Variants in WDR49 observed in about 807,000 individuals in gnomAD.
WDR49 encodes WD repeat domain 49.
Under a neutral mutation model 119.5 loss-of-function variants are expected in WDR49, and 107 were observed. That is an observed-to-expected ratio of 0.90 (90% CI 0.77 to 1.05). The LOEUF (loss-of-function observed/expected upper bound fraction) is 1.05. WDR49 is among the 50% of genes least tolerant of loss of function. WDR49 has a pLI of 0.00. For missense variants in WDR49, 1,240 were observed against 1,220.5 expected, an observed-to-expected ratio of 1.02 and a Z score of -0.24; for synonymous variants, 425 against 418.8, an observed-to-expected ratio of 1.01 and a Z score of -0.18.
At chr3:167,591,320 C>T (rs974708004) in intron 7 of WDR49, among the ~76,000 whole-genome samples, 4 of 151,986 alleles carry the variant, frequency 2.6e-5, no homozygotes, top group African/African-American at 9.7e-5. Context: ...GTTTCATGAC[C>T]TAACATATGG....
chr3:167,592,893 T>C lies in WDR49; in HGVS notation c.1275+9234A>G, dbSNP rs567323922. On this transcript the variant is annotated intron_variant, in intron 7 of 18. Coordinates refer to ENST00000682715, the MANE Select transcript of WDR49 (RefSeq NM_001366157.1). Reference sequence around the variant, plus strand: ...GTTTGAAGGATATTTTTGCAAGATATAGTTATTTTCCTTCAGAACTTTAAA... The same window carrying C: ...GTTTGAAGGATATTTTTGCAAGATACAGTTATTTTCCTTCAGAACTTTAAA... 2.6e-5 allele frequency among the ~76,000 whole-genome samples: 4 copies of C among 152,314 alleles called. No homozygotes were observed. In the East Asian group the frequency reaches 5.8e-4, roughly 22 times the overall value.
intron 7 of WDR49, among the ~76,000 whole-genome samples, chr3:167,593,906 G>A (rs752953092): frequency 2.6e-5 from 4 of 152,096 alleles, no homozygotes; most frequent in Non-Finnish European, 5.9e-5. Context: ...TGGTTTAAAA[G>A]TGTGCGGTGG....
chr3:167,553,708 G>C (rs1335427490), intron 10 of WDR49, among the ~76,000 whole-genome samples: 2 of 152,074 alleles, frequency 1.3e-5, no homozygotes, highest in African/African-American at 4.8e-5. Flanking sequence ...TCCTTTCAGA[G>C]ATGTGAAGTC....
At chr3:167,608,253 C>A (rs981879084) in intron 5 of WDR49, among the ~76,000 whole-genome samples, 1 of 152,124 alleles carries the variant, frequency 6.6e-6, no homozygotes, top group African/African-American at 2.4e-5. Context: ...GTAAACTATA[C>A]AACATAATAC....
intron 2 of WDR49, among the ~76,000 whole-genome samples, chr3:167,642,199 C>A (rs542734749): frequency 6.6e-6 from 1 of 151,916 alleles, no homozygotes; most frequent in Admixed American, 6.6e-5. Context: ...ACTAACCTAA[C>A]CATGTAACAA....
chr3:167,596,419 A>G (rs1182890810), intron 7 of WDR49, among the ~76,000 whole-genome samples: 1 of 151,816 alleles, frequency 6.6e-6, no homozygotes, highest in Non-Finnish European at 1.5e-5. Flanking sequence ...ACACATGCAC[A>G]CGTATGTTTA....
Position 167,505,341 on chromosome 3 carries a change from T to A in WDR49, c.2850A>T (p.Lys950Asn). The A allele has an allele frequency of 6.5e-7, 1 of 1,531,294 alleles. No homozygotes were observed. The highest frequency in any genetic ancestry group is 1.3e-5 in the South Asian group (1 of 76,314). The allele number at this position is 1,531,294 out of a possible 1,614,324, so 94.9% of individuals were successfully genotyped here. The change falls in exon 17 of 19, where the codon AAA (lysine) becomes AAT (asparagine). Residue 950 changes from lysine to asparagine, a missense_variant. Coordinates refer to ENST00000682715, the MANE Select transcript of WDR49 (RefSeq NM_001366157.1). ...TTTTTATAACTTCACCATAATAAGG[T>A]TTTTGTGTTTCTTTCATGCAGGTAC... is the stretch of plus-strand genomic sequence containing the variant. Reference protein sequence around the residue: ...ERSTCMKETQKPYYGEVIKKS... With the variant: ...ERSTCMKETQNPYYGEVIKKS...
chr3:167,644,962 T>C (rs1425409717), intron 2 of WDR49, among the ~76,000 whole-genome samples: 1 of 152,052 alleles, frequency 6.6e-6, no homozygotes, highest in Non-Finnish European at 1.5e-5. Flanking sequence ...TTATGTAGCA[T>C]TCTTTCTTGA....
intron 2 of WDR49, chr3:167,633,527 C>G: frequency 2.2e-6 from 1 of 453,794 alleles, no homozygotes. Flanking sequence ...GCCAAATATC[C>G]CCATCCTGGA....
chr3:167,588,766 C>T (rs1267125208), intron 7 of WDR49, among the ~76,000 whole-genome samples: 2 of 151,950 alleles, frequency 1.3e-5, no homozygotes, highest in Non-Finnish European at 2.9e-5. Context: ...AGGTATTTAG[C>T]CCATTTTTAA....
chr3:167,560,172 C>T lies in WDR49; in HGVS notation c.1566G>A (p.Gln522=). Residue 522 remains glutamine (Q), a synonymous_variant, in exon 9 of 19, where the codon CAG becomes CAA. Transcript: ENST00000682715. ...TVSFWMIDTG[Q]KIKQFTGCHG... ...GGCAACCAGTAAACTGTTTGATTTT[C>T]TGCCCAGTGTCTATCATCCAGAAGG... 1 of 1,614,190 alleles carries T rather than the reference C, an allele frequency of 6.2e-7. No homozygotes were observed. Among genetic ancestry groups the T allele is most frequent in the Non-Finnish European group, 8.5e-7 (1 of 1,180,026 alleles).
At chr3:167,499,570 A>G (rs1319332690) in intron 18 of WDR49, among the ~76,000 whole-genome samples, 32 of 152,188 alleles carry the variant, frequency 2.1e-4, no homozygotes, top group Non-Finnish European at 4.0e-4. Flanking sequence ...TTATTCCTCA[A>G]ACTTTTAAGA....
intron 18 of WDR49, among the ~76,000 whole-genome samples, chr3:167,490,494 A>G (rs1224322120): frequency 6.6e-6 from 1 of 152,186 alleles, no homozygotes; most frequent in East Asian, 1.9e-4. Flanking sequence ...GCATGTATCT[A>G]CAAATGCTTT....
At chr3:167,494,679 C>CGA (rs1751279135) in intron 18 of WDR49, among the ~76,000 whole-genome samples, 1 of 152,090 alleles carries the variant, frequency 6.6e-6, no homozygotes, top group Non-Finnish European at 1.5e-5. Context: ...GAGACTCTCT[C>CGA]ATGGGAAAGT....
At chr3:167,555,535 G>C (rs1408449526) in intron 9 of WDR49, among the ~76,000 whole-genome samples, 1 of 152,190 alleles carries the variant, frequency 6.6e-6, no homozygotes, top group Non-Finnish European at 1.5e-5. Flanking sequence ...TACAACATAT[G>C]CTTGTGACTG....
At position 167,638,623 on chromosome 3, in the gene WDR49, C is replaced by A. The variant is rs929440144; in HGVS notation, c.166-11331G>T. ...GCAAAACAGATGCATCAGTTTATAT[C>A]ATCCCCTGCAATTTTTACCTACTAA... On this transcript the variant is annotated intron_variant, in intron 2 of 18. Transcript: ENST00000682715. 2.0e-5 allele frequency among the ~76,000 whole-genome samples: 3 copies of A among 151,562 alleles called. No individual in the cohort carries two copies. The East Asian group carries it at 5.8e-4, about 29-fold the overall frequency.
intron 6 of WDR49, among the ~76,000 whole-genome samples, chr3:167,602,942 C>G (rs1275399111): frequency 2.0e-5 from 3 of 152,016 alleles, no homozygotes; most frequent in Non-Finnish European, 4.4e-5. Flanking sequence ...TAGGCTACAG[C>G]ATATAGCTTA....
At chr3:167,479,969 G>A (rs886110744) in intron 18 of WDR49, among the ~76,000 whole-genome samples, 2 of 151,912 alleles carry the variant, frequency 1.3e-5, no homozygotes, top group Admixed American at 6.6e-5. Flanking sequence ...GGTGGCTCAC[G>A]CCTATAATCC....
In WDR49 at chr3:167,653,214, C is replaced by T. The variant is rs1203022485; in HGVS notation, c.165+47G>A. The T allele has an allele frequency of 4.6e-6, 7 of 1,527,442 alleles. No individual in the cohort carries two copies. In the South Asian group the frequency reaches 6.0e-5, roughly 13 times the overall value. 94.6% of individuals were successfully genotyped at this position (1,527,442 alleles called of 1,614,324 possible). On this transcript the variant is annotated intron_variant, in intron 2 of 18. Coordinates refer to ENST00000682715, the MANE Select transcript of WDR49 (RefSeq NM_001366157.1). ...ATATCTCTGTGTTTCATTCTAGGCTCCTTCATGAACAACTCAAACTATCTG... is the reference window on the plus strand; with the variant it reads ...ATATCTCTGTGTTTCATTCTAGGCTTCTTCATGAACAACTCAAACTATCTG...
Sources: allele counts gnomAD v4.1 joint callset (sites outside exome capture counted in the v4.1 genomes callset), GRCh38; gene constraint gnomAD v4.1.1; transcripts MANE v1.5; gene names NCBI Gene and HGNC (gene_info 2026-07-23, HGNC 2026-07-21).